SNTB1: variants seen among roughly 807,000 people sequenced by gnomAD.
SNTB1 encodes the protein syntrophin beta 1.
In SNTB1, 36 loss-of-function variants were observed where a neutral mutation model predicts 48.9. The ratio of observed to expected loss-of-function variants is 0.74; its 90% CI spans 0.56 to 0.97. SNTB1 has a LOEUF of 0.97. Ranked by LOEUF, SNTB1 falls within the 50% of genes least tolerant of loss-of-function variation. The probability of loss-of-function intolerance (pLI) is 0.00; values close to 1 mark genes in which losing one functional copy is unlikely to be tolerated. For synonymous variants in SNTB1, 299 were observed against 294.6 expected (o/e 1.01, Z -0.15); for missense variants, 786 against 703.4 (o/e 1.12, Z -1.33).
rs1402452825 is a variant in SNTB1 at position 120,576,863 on chromosome 8, T to C, written c.997-1638A>G. Among the ~76,000 whole-genome samples, 6 of 152,324 alleles carry C rather than the reference T, an allele frequency of 3.9e-5. No individual in the cohort carries two copies. The East Asian group carries it at 1.2e-3, about 29-fold the overall frequency. ...AATACAGTGCAGAATAAGCATCATGTAAGTACCTGTTAAGTAAAGTAGCAC... is the reference window on the plus strand; with the variant it reads ...AATACAGTGCAGAATAAGCATCATGCAAGTACCTGTTAAGTAAAGTAGCAC... On this transcript the variant is annotated intron_variant, in intron 3 of 6. Coordinates refer to ENST00000517992, the MANE Select transcript of SNTB1 (RefSeq NM_021021.4).
chr8:120,546,219 T>A (rs1476142693), intron 5 of SNTB1, among the ~76,000 whole-genome samples: 1 of 152,232 alleles, frequency 6.6e-6, no homozygotes, highest in Non-Finnish European at 1.5e-5. Context: ...TGACACCTGA[T>A]GCCCTTTGAT....
chr8:120,751,688 C>T (rs1333625750), intron 1 of SNTB1, among the ~76,000 whole-genome samples: 3 of 152,096 alleles, frequency 2.0e-5, no homozygotes, highest in Non-Finnish European at 2.9e-5. Flanking sequence ...AGCTCCATCA[C>T]TTACTAGTTA....
chr8:120,769,882 T>C (rs1819589391), intron 1 of SNTB1, among the ~76,000 whole-genome samples: 1 of 152,222 alleles, frequency 6.6e-6, no homozygotes, highest in African/African-American at 2.4e-5. Flanking sequence ...GCCTAAAGAA[T>C]GCTCACTGTA....
intron 2 of SNTB1, among the ~76,000 whole-genome samples, chr8:120,688,969 G>T (rs957430679): frequency 6.6e-6 from 1 of 152,180 alleles, no homozygotes; most frequent in East Asian, 1.9e-4. Flanking sequence ...CAGGGACTAA[G>T]GATGTGGGCC....
rs571006852 is a variant in SNTB1, at chr8:120,795,254, A to C, written c.571+16019T>G. Among the ~76,000 whole-genome samples the C allele has an allele frequency of 7.6e-4, 115 of 152,122 alleles. 1 individual carries two copies. The highest frequency in any genetic ancestry group is 1.1e-3 in the Non-Finnish European group (73 of 67,946). On this transcript the variant is annotated intron_variant, in intron 1 of 6. Transcript: ENST00000517992. ...TTAGCAAGTGGAGAAGTTAAAAAAA[A>C]AAACAAAAAACAAAACAAAAAGAAA... is the stretch of plus-strand genomic sequence containing the variant.
At chr8:120,725,429 T>C (rs1223849168) in intron 1 of SNTB1, among the ~76,000 whole-genome samples, 1 of 152,174 alleles carries the variant, frequency 6.6e-6, no homozygotes, top group Non-Finnish European at 1.5e-5. Flanking sequence ...TTGTCTCAAA[T>C]AGACTCTGCT....
At chr8:120,549,337 C>T (rs1305717484) in intron 4 of SNTB1, among the ~76,000 whole-genome samples, 1 of 152,158 alleles carries the variant, frequency 6.6e-6, no homozygotes, top group Non-Finnish European at 1.5e-5. Context: ...TCTATTATTT[C>T]CTGGGTTAGG....
intron 1 of SNTB1, among the ~76,000 whole-genome samples, chr8:120,704,443 G>A (rs1242039883): frequency 6.8e-6 from 1 of 147,584 alleles, no homozygotes; most frequent in Admixed American, 6.8e-5. Flanking sequence ...GCAAAAGAAC[G>A]AGACTTTGTG....
chr8:120,544,935 C>T (rs1328084841), intron 5 of SNTB1, among the ~76,000 whole-genome samples: 1 of 151,870 alleles, frequency 6.6e-6, no homozygotes, highest in African/African-American at 2.4e-5. Context: ...CACTGATTAT[C>T]TTGGATATGT....
intron 1 of SNTB1, among the ~76,000 whole-genome samples, chr8:120,809,185 A>G (rs1820387426): frequency 6.6e-6 from 1 of 152,210 alleles, no homozygotes; most frequent in Non-Finnish European, 1.5e-5. Context: ...ATTGAGAATG[A>G]ACACTTTGGC....
At chr8:120,656,615 G>A (rs993763632) in intron 2 of SNTB1, among the ~76,000 whole-genome samples, 1 of 152,182 alleles carries the variant, frequency 6.6e-6, no homozygotes, top group African/African-American at 2.4e-5. Flanking sequence ...ATGTGCATTT[G>A]TCTTATAATC....
chr8:120,711,329 T>TA lies in SNTB1; in HGVS notation c.572-17422dup, dbSNP rs11308218. Among the ~76,000 whole-genome samples the TA allele has an allele frequency of 6.4e-4, 97 of 151,854 alleles. 1 individual carries two copies. The highest frequency in any genetic ancestry group is 1.8e-3 in the Admixed American group (28 of 15,230). On this transcript the variant is annotated intron_variant, in intron 1 of 6. Transcript: ENST00000517992. The stretch of plus-strand genomic sequence containing the variant: ...AATATTACATAATTTAAAAAATCAT[T>TA]AAAAAAAATCTTTATACACTCTAAA...
At chr8:120,804,053 G>A (rs956752363) in intron 1 of SNTB1, among the ~76,000 whole-genome samples, 1 of 152,098 alleles carries the variant, frequency 6.6e-6, no homozygotes, top group Non-Finnish European at 1.5e-5. Context: ...TTCCTCTACA[G>A]AACAAGGTAT....
chr8:120,661,053 T>C (rs1817580165), intron 2 of SNTB1, among the ~76,000 whole-genome samples: 1 of 152,084 alleles, frequency 6.6e-6, no homozygotes, highest in Non-Finnish European at 1.5e-5. Flanking sequence ...ATCACCATAA[T>C]AGATACAAAA....
chr8:120,711,248 A>C (rs946455232), intron 1 of SNTB1, among the ~76,000 whole-genome samples: 4 of 152,324 alleles, frequency 2.6e-5, no homozygotes, highest in Middle Eastern at 3.4e-3. Flanking sequence ...ATGAAACTTA[A>C]GTTTCCTCCA....
chr8:120,661,577 C>G lies in SNTB1; in HGVS notation c.789-28926G>C, dbSNP rs546417134. Among the ~76,000 whole-genome samples, 7 of 152,230 alleles carry G rather than the reference C, an allele frequency of 4.6e-5. No homozygotes were observed. The East Asian group carries it at 1.2e-3, about 25-fold the overall frequency. ...CATGTGCCATGGTTGTTTGCTGCAC[C>G]TATCAACCCGTCATCTAGGTTTTAA... On this transcript the variant is annotated intron_variant, in intron 2 of 6. Coordinates refer to ENST00000517992, the MANE Select transcript of SNTB1 (RefSeq NM_021021.4).
At chr8:120,800,122 C>G (rs1000691073) in intron 1 of SNTB1, among the ~76,000 whole-genome samples, 9 of 152,032 alleles carry the variant, frequency 5.9e-5, no homozygotes, top group Admixed American at 5.9e-4. Flanking sequence ...CCCTGGCATC[C>G]TGGCAAGTTC....
chr8:120,605,998 C>T lies in SNTB1; in HGVS notation c.996+26446G>A, dbSNP rs185345484. Among the ~76,000 whole-genome samples the T allele has an allele frequency of 5.3e-5, 8 of 152,162 alleles. No homozygotes were observed. The East Asian group carries it at 1.2e-3, about 22-fold the overall frequency. On this transcript the variant is annotated intron_variant, in intron 3 of 6. Coordinates refer to ENST00000517992, the MANE Select transcript of SNTB1 (RefSeq NM_021021.4). Reference sequence around the variant, plus strand: ...AATTAGATTTCGCCCCTACTCGTCCCTGCATCTGGGAACCTTTGTGGAATG... The same window carrying T: ...AATTAGATTTCGCCCCTACTCGTCCTTGCATCTGGGAACCTTTGTGGAATG...
chr8:120,659,081 A>G (rs1817545318), intron 2 of SNTB1, among the ~76,000 whole-genome samples: 1 of 151,282 alleles, frequency 6.6e-6, no homozygotes, highest in East Asian at 2.0e-4. Context: ...CTCCTGCCTT[A>G]GCCTCCTAAG....
Sources: gnomAD v4.1 joint callset for allele counts (sites outside exome capture counted in the v4.1 genomes callset) on GRCh38, gnomAD v4.1.1 for gene constraint, MANE v1.5 for transcripts, NCBI Gene and HGNC (gene_info 2026-07-23, HGNC 2026-07-21) for gene names.